Variants in EPB41L3 observed in about 807,000 individuals in gnomAD.
EPB41L3 encodes the protein erythrocyte membrane protein band 4.1 like 3.
Under a neutral mutation model 127.1 loss-of-function variants are expected in EPB41L3, and 57 were observed. The ratio of observed to expected loss-of-function variants is 0.45; its 90% CI spans 0.36 to 0.56. The LOEUF (loss-of-function observed/expected upper bound fraction) is 0.56, where lower values mean the gene tolerates loss of function less well. Among genes scored for constraint, EPB41L3 ranks in the 20% least tolerant of loss-of-function variants. EPB41L3 has a pLI of 0.00. For synonymous variants in EPB41L3, 572 were observed against 549.5 expected (o/e 1.04, Z -0.57); for missense variants, 1,273 against 1,372.2 (o/e 0.93, Z 1.14).
chr18:5,536,471 A>C (rs1411343469), intron 1 of EPB41L3, among the ~76,000 whole-genome samples: 1 of 151,426 alleles, frequency 6.6e-6, no homozygotes, highest in East Asian at 2.0e-4. Flanking sequence ...TGCATGCATG[A>C]AAAAGCTCCT....
intron 3 of EPB41L3, among the ~76,000 whole-genome samples, chr18:5,562,283 A>G (rs888960375): frequency 1.5e-4 from 23 of 152,218 alleles, no homozygotes; most frequent in Admixed American, 1.5e-3. Flanking sequence ...GTATGTCTAA[A>G]ACTATTTCAA....
At chr18:5,464,416 C>G (rs1747813198) in intron 3 of EPB41L3, among the ~76,000 whole-genome samples, 1 of 152,120 alleles carries the variant, frequency 6.6e-6, no homozygotes, top group Admixed American at 6.5e-5. Context: ...ACACATCAGC[C>G]CTGTTTCAAA....
chr18:5,439,189 G>A (rs1443991721), intron 5 of EPB41L3, among the ~76,000 whole-genome samples: 9 of 151,798 alleles, frequency 5.9e-5, no homozygotes, highest in Admixed American at 3.9e-4. Flanking sequence ...AGTCCCCCAG[G>A]CTTCCACCCT....
Position 5,424,258 on chromosome 18 carries a change from C to T in EPB41L3, c.1163+4G>A. On this transcript the variant is annotated splice_donor_region_variant and intron_variant, in intron 10 of 22. Transcript: ENST00000341928. ...AGGGAAAAAACAAAATAATCTCTTC[C>T]TACCTGAAAAATGTATGATGCTCAA... 1 of 1,566,002 alleles carries T rather than the reference C, an allele frequency of 6.4e-7. No individual in the cohort carries two copies. The highest frequency in any genetic ancestry group is 2.3e-5 in the East Asian group (1 of 43,568).
chr18:5,442,567 T>C (rs1488847147), intron 5 of EPB41L3, among the ~76,000 whole-genome samples: 2 of 152,190 alleles, frequency 1.3e-5, no homozygotes, highest in Non-Finnish European at 2.9e-5. Flanking sequence ...AAGTATTTGC[T>C]TGCTCTTTTA....
chr18:5,425,525 T>A (rs2078051514), intron 9 of EPB41L3, among the ~76,000 whole-genome samples: 1 of 152,198 alleles, frequency 6.6e-6, no homozygotes, highest in South Asian at 2.1e-4. Flanking sequence ...GCTTGCACTC[T>A]GCTGCAAGAA....
At chr18:5,454,173 A>G (rs1368923752) in intron 3 of EPB41L3, among the ~76,000 whole-genome samples, 2 of 149,266 alleles carry the variant, frequency 1.3e-5, no homozygotes, top group Non-Finnish European at 3.0e-5. Context: ...TTGCCTTGAA[A>G]TTTAAGCGGA....
At chr18:5,566,124 G>C (rs890812423) in intron 3 of EPB41L3, among the ~76,000 whole-genome samples, 1 of 152,116 alleles carries the variant, frequency 6.6e-6, no homozygotes, top group Non-Finnish European at 1.5e-5. Context: ...GGACAATCAG[G>C]CAGGAGAAGG....
intron 1 of EPB41L3, among the ~76,000 whole-genome samples, chr18:5,615,424 A>G (rs2094782675): frequency 6.6e-6 from 1 of 152,054 alleles, no homozygotes; most frequent in Non-Finnish European, 1.5e-5. Context: ...TACTGGGTAT[A>G]TGAGATGTTT....
At chr18:5,422,459 TTTTG>T (rs59607686) in intron 11 of EPB41L3, among the ~76,000 whole-genome samples, 87,859 of 151,564 alleles carry the variant, frequency 0.58, 29,344 homozygotes, top group Non-Finnish European at 0.75. Flanking sequence ...CACTTGTAAC[TTTTG>T]TTTATTTTTA....
intron 6 of EPB41L3, among the ~76,000 whole-genome samples, chr18:5,434,791 A>C (rs965794895): frequency 2.0e-5 from 3 of 152,238 alleles, no homozygotes; most frequent in Non-Finnish European, 2.9e-5. Flanking sequence ...ACTATGCTAT[A>C]CTTTTTATCA....
chr18:5,611,216 T>A (rs2094721301), intron 3 of EPB41L3, among the ~76,000 whole-genome samples: 1 of 152,198 alleles, frequency 6.6e-6, no homozygotes, highest in African/African-American at 2.4e-5. Flanking sequence ...GTAGAATTAT[T>A]TGTAATAGTC....
chr18:5,395,209 T>A, intron 20 of EPB41L3, 62 bp from the exon 21 acceptor site: 2 of 1,401,820 alleles, frequency 1.4e-6, no homozygotes, highest in Non-Finnish European at 2.0e-6. Flanking sequence ...CATGGTTCAG[T>A]AGGGGGAAAT....
intron 3 of EPB41L3, among the ~76,000 whole-genome samples, chr18:5,552,186 C>A (rs1046249724): frequency 5.3e-5 from 8 of 152,224 alleles, no homozygotes; most frequent in African/African-American, 9.6e-5. Flanking sequence ...GTTTGCTTGG[C>A]AGTGCCTGCC....
intron 3 of EPB41L3, among the ~76,000 whole-genome samples, chr18:5,599,558 G>A (rs1050005435): frequency 2.0e-5 from 3 of 152,246 alleles, no homozygotes; most frequent in East Asian, 1.9e-4. Context: ...CTCATGAAAG[G>A]GTTAACATCA....
intron 2 of EPB41L3, chr18:5,614,261 A>G (rs1345063715): frequency 6.6e-6 from 1 of 152,236 alleles, no homozygotes; most frequent in African/African-American, 2.4e-5. Flanking sequence ...TGATCCATAA[A>G]TCTTCATCAC....
intron 3 of EPB41L3, among the ~76,000 whole-genome samples, chr18:5,556,121 A>C (rs1011514192): frequency 6.6e-6 from 1 of 152,182 alleles, no homozygotes; most frequent in South Asian, 2.1e-4. Flanking sequence ...ACGCTCAGTG[A>C]ATATTTGCAA....
intron 3 of EPB41L3, among the ~76,000 whole-genome samples, chr18:5,471,381 C>T (rs538787520): frequency 1.3e-5 from 2 of 152,180 alleles, no homozygotes; most frequent in African/African-American, 2.4e-5. Context: ...ACTTCTTCCA[C>T]AGCTCATGGG....
intron 3 of EPB41L3, chr18:5,566,995 A>G (rs2027688): frequency 0.6 from 90,714 of 151,798 alleles, 27,291 homozygotes; most frequent in Non-Finnish European, 0.61. Flanking sequence ...TAGTAGACAC[A>G]GGGTTTCGCC....
Sources: allele counts gnomAD v4.1 joint callset (sites outside exome capture counted in the v4.1 genomes callset), GRCh38; gene constraint gnomAD v4.1.1; transcripts MANE v1.5; gene names NCBI Gene and HGNC (gene_info 2026-07-23, HGNC 2026-07-21).